Variants in ELP3 observed in about 807,000 individuals in gnomAD.
ELP3 encodes the protein elongator acetyltransferase complex subunit 3, also known as elongator complex protein 3.
A neutral mutation model predicts 74.9 loss-of-function variants in ELP3; 56 were observed. That is an observed-to-expected ratio of 0.75 (90% CI 0.60 to 0.93). ELP3 has a LOEUF of 0.93. Ranked by LOEUF, ELP3 falls within the 40% of genes least tolerant of loss-of-function variation. The probability of loss-of-function intolerance (pLI) is 0.00; values close to 1 mark genes in which losing one functional copy is unlikely to be tolerated. For synonymous variants in ELP3, 222 were observed against 239.8 expected, an observed-to-expected ratio of 0.93 and a Z score of 0.68; for missense variants, 573 against 686.5, an observed-to-expected ratio of 0.83 and a Z score of 1.85.
At chr8:28,137,555 G>A in intron 9 of ELP3, 143 bp from the exon 10 acceptor site, 1 of 704,666 alleles carries the variant, frequency 1.4e-6, no homozygotes, top group Non-Finnish European at 2.4e-6. Flanking sequence ...TTTCTGTTCT[G>A]TCTGTACGCC....
upstream of ELP3, among the ~76,000 whole-genome samples, chr8:28,092,620 G>A (rs1811084663): frequency 6.6e-6 from 1 of 152,168 alleles, no homozygotes; most frequent in Non-Finnish European, 1.5e-5. Context: ...CAGCTTTCAC[G>A]ATGGTTACCG....
intron 11 of ELP3, among the ~76,000 whole-genome samples, chr8:28,156,642 G>T (rs1207072495): frequency 6.6e-6 from 1 of 152,104 alleles, no homozygotes; most frequent in Non-Finnish European, 1.5e-5. Context: ...AACCAGGAGT[G>T]GTGTTGAGAC....
At chr8:28,101,080 T>G (rs1228157242) in intron 3 of ELP3, among the ~76,000 whole-genome samples, 1 of 151,974 alleles carries the variant, frequency 6.6e-6, no homozygotes, top group Non-Finnish European at 1.5e-5. Flanking sequence ...CTCTTCTTTG[T>G]ACTTAAGTGT....
intron 1 of ELP3, among the ~76,000 whole-genome samples, chr8:28,096,305 A>C (rs1169184579): frequency 6.6e-6 from 1 of 152,248 alleles, no homozygotes; most frequent in African/African-American, 2.4e-5. Flanking sequence ...AATAAAGTGC[A>C]CAATAAATGT....
intron 12 of ELP3, among the ~76,000 whole-genome samples, chr8:28,159,571 A>G (rs1813984494): frequency 6.6e-6 from 1 of 152,208 alleles, no homozygotes; most frequent in African/African-American, 2.4e-5. Flanking sequence ...CTATTTAAGA[A>G]AAGTACAAGA....
chr8:28,125,759 C>CTTT (rs755484214), intron 7 of ELP3, among the ~76,000 whole-genome samples: 100 of 92,196 alleles, frequency 1.1e-3, no homozygotes, highest in Non-Finnish European at 1.7e-3. Flanking sequence ...AGTCATTTCT[C>CTTT]TTTTTTTTTT....
intron 9 of ELP3, among the ~76,000 whole-genome samples, chr8:28,136,692 CT>C (rs1813004549): frequency 1.3e-5 from 2 of 152,154 alleles, no homozygotes; most frequent in Admixed American, 1.3e-4. Flanking sequence ...CAATGAAGAG[CT>C]TTGGAAGACT....
chr8:28,165,705 G>A (rs998773594), intron 14 of ELP3, among the ~76,000 whole-genome samples: 1 of 152,106 alleles, frequency 6.6e-6, no homozygotes, highest in Admixed American at 6.5e-5. Flanking sequence ...GATTTTCTCT[G>A]TAACTTGGGT....
intron 14 of ELP3, among the ~76,000 whole-genome samples, chr8:28,170,492 G>A (rs1321638691): frequency 6.6e-6 from 1 of 152,140 alleles, no homozygotes; most frequent in African/African-American, 2.4e-5. Flanking sequence ...TCTTCCGTGA[G>A]GACATGCCTC....
intron 7 of ELP3, among the ~76,000 whole-genome samples, chr8:28,127,462 C>T (rs549550930): frequency 2.0e-5 from 3 of 152,158 alleles, no homozygotes; most frequent in Non-Finnish European, 4.4e-5. Flanking sequence ...TCATTTAGAG[C>T]TTTTTGCTTT....
chr8:28,176,645 G>C (rs1338211796), intron 14 of ELP3, among the ~76,000 whole-genome samples: 1 of 152,000 alleles, frequency 6.6e-6, no homozygotes, highest in Non-Finnish European at 1.5e-5. Context: ...CGTAATCGTC[G>C]TTTTAGCAGA....
At chr8:28,092,752 A>G (rs1811088741), upstream of ELP3, 1 of 254,692 alleles carries the variant, frequency 3.9e-6, no homozygotes, top group South Asian at 3.9e-5. Flanking sequence ...ACAACATGGG[A>G]GGGTTCCTCC....
chr8:28,172,593 A>T (rs1193228602), intron 14 of ELP3, among the ~76,000 whole-genome samples: 1 of 152,072 alleles, frequency 6.6e-6, no homozygotes, highest in Non-Finnish European at 1.5e-5. Context: ...GTCATCTTGA[A>T]TAGAGATAGT....
chr8:28,119,373 G>A lies in ELP3; in HGVS notation c.617+6200G>A, dbSNP rs77222402. On this transcript the variant is annotated intron_variant, in intron 7 of 14. Coordinates refer to ENST00000256398, the MANE Select transcript of ELP3 (RefSeq NM_018091.6). ...ACGATACTTGCTTTATCACATATCT[G>A]TCAGTTCCACTATCCATTCATCAGT... Among the ~76,000 whole-genome samples, 852 of 151,756 alleles carry A rather than the reference G, an allele frequency of 5.6e-3. 6 individuals carry two copies. The highest frequency in any genetic ancestry group is 0.019 in the African/African-American group (790 of 41,360).
intron 9 of ELP3, 108 bp downstream of exon 9, chr8:28,132,512 C>A: frequency 7.2e-7 from 1 of 1,384,984 alleles, no homozygotes; most frequent in Non-Finnish European, 1.0e-6. Flanking sequence ...TAAAGAAATG[C>A]ATCCTTATTA....
Position 28,157,828 on chromosome 8 carries a change from G to A in ELP3, c.1192-740G>A, listed in dbSNP as rs1274933125. 2.0e-5 allele frequency among the ~76,000 whole-genome samples: 3 copies of A among 152,118 alleles called. No individual in the cohort carries two copies. The South Asian group carries it at 6.2e-4, about 31-fold the overall frequency. ...TGTGGGTTGTGGAATAGAAGTGAGA[G>A]CCACATCACAGATGCTTGGCCATGC... On this transcript the variant is annotated intron_variant, in intron 11 of 14. Transcript: ENST00000256398.
intron 14 of ELP3, among the ~76,000 whole-genome samples, chr8:28,184,426 C>T (rs1355986643): frequency 2.6e-5 from 4 of 152,126 alleles, no homozygotes; most frequent in African/African-American, 7.2e-5. Context: ...AGGTGGTAAT[C>T]GTTTCTAGGG....
chr8:28,144,598 C>T (rs1452147112), intron 10 of ELP3, among the ~76,000 whole-genome samples: 1 of 152,054 alleles, frequency 6.6e-6, no homozygotes, highest in Non-Finnish European at 1.5e-5. Flanking sequence ...CCAGCCTAGG[C>T]AACAGAGTAA....
intron 3 of ELP3, among the ~76,000 whole-genome samples, chr8:28,102,731 A>G (rs1023172327): frequency 6.6e-6 from 1 of 152,226 alleles, no homozygotes; most frequent in African/African-American, 2.4e-5. Flanking sequence ...GAATTGATGA[A>G]CCAATATTGT....
Sources: allele counts gnomAD v4.1 joint callset (sites outside exome capture counted in the v4.1 genomes callset), GRCh38; gene constraint gnomAD v4.1.1; transcripts MANE v1.5; gene names NCBI Gene and HGNC (gene_info 2026-07-23, HGNC 2026-07-21).